The following SLC29A2 variants were observed in gnomAD, a reference collection of about 807,000 sequenced individuals.
The protein encoded by SLC29A2 is solute carrier family 29 member 2.
Under a neutral mutation model 48.8 loss-of-function variants are expected in SLC29A2, and 37 were observed. That is an observed-to-expected ratio of 0.76 (90% CI 0.58 to 1.00). SLC29A2 has a LOEUF of 1.00. SLC29A2 is among the 50% of genes least tolerant of loss of function. The pLI is 0.00. For synonymous variants in SLC29A2, 233 were observed against 261.7 expected, an observed-to-expected ratio of 0.89 and a Z score of 1.06; for missense variants, 533 against 578.6, an observed-to-expected ratio of 0.92 and a Z score of 0.81.
chr11:66,365,328 C>T (rs1855620735), intron 10 of SLC29A2, among the ~76,000 whole-genome samples: 2 of 152,226 alleles, frequency 1.3e-5, no homozygotes, highest in Non-Finnish European at 1.5e-5. Flanking sequence ...GAGGACCCAG[C>T]ACTGGGGCCT....
At chr11:66,366,101 C>T (rs1312639104) in intron 9 of SLC29A2, 25 bp downstream of exon 9, 2 of 1,606,486 alleles carry the variant, frequency 1.2e-6, no homozygotes, top group Admixed American at 1.7e-5. Context: ...CCCTGCCCTG[C>T]CGTCTTCTCC....
chr11:66,369,318 T>C (rs2135011701), intron 3 of SLC29A2, 51 bp downstream of exon 3: 1 of 1,611,274 alleles, frequency 6.2e-7, no homozygotes, highest in Non-Finnish European at 8.5e-7. Flanking sequence ...GGGGAGGGCC[T>C]CAATGAAGCT....
Position 66,363,367 on chromosome 11 carries a change from C to T in SLC29A2, c.*69G>A, listed in dbSNP as rs749265652. Reference sequence around the variant, plus strand: ...GGCCTGAGCCAAGCTCGCCATTCGCCCTGGGCTGGATCTCAGCTCCGGAAG... The same window carrying T: ...GGCCTGAGCCAAGCTCGCCATTCGCTCTGGGCTGGATCTCAGCTCCGGAAG... On this transcript the variant is annotated 3_prime_UTR_variant, in exon 12 of 12. Transcript: ENST00000357440. 3 of 1,303,762 alleles carry T rather than the reference C, an allele frequency of 2.3e-6. No individual in the cohort carries two copies. Among genetic ancestry groups the T allele is most frequent in the Non-Finnish European group, 3.3e-6 (3 of 906,358 alleles). 80.8% of individuals were successfully genotyped at this position (1,303,762 alleles called of 1,614,324 possible).
intron 1 of SLC29A2, 71 bp downstream of exon 1, chr11:66,371,492 G>A: frequency 1.3e-6 from 2 of 1,524,518 alleles, no homozygotes; most frequent in South Asian, 1.2e-5. Flanking sequence ...TCTTCTCTGA[G>A]CCTCGGAGCG....
rs182128727 is a variant in SLC29A2, at chr11:66,368,612, A to C, written c.475T>G (p.Tyr159Asp). 7.8e-5 allele frequency: 125 copies of C among 1,607,706 alleles called. No homozygotes were observed. In the East Asian group the frequency reaches 2.6e-3, roughly 34 times the overall value. Residue 159 changes from tyrosine to aspartate, a missense_variant, in exon 5 of 12, where the codon TAC becomes GAC. Tyr to Asp is a radical substitution (Grantham distance 160). Transcript: ENST00000357440. ...TGGCCGCTGAGGAAGAGGGTGCTGTAGGTGGAGGGCATGGTGCCCAGCTGC... is the reference window on the plus strand; with the variant it reads ...TGGCCGCTGAGGAAGAGGGTGCTGTCGGTGGAGGGCATGGTGCCCAGCTGC... ...FGQLGTMPSTYSTLFLSGQGL... is the reference protein window; with the variant it reads ...FGQLGTMPSTDSTLFLSGQGL...
At chr11:66,371,455 G>C in intron 1 of SLC29A2, 108 bp downstream of exon 1, 1 of 1,501,342 alleles carries the variant, frequency 6.7e-7, no homozygotes, top group Non-Finnish European at 9.1e-7. Context: ...GAGGGAGTCG[G>C]CTGATGGGAA....
chr11:66,366,527 A>G lies in SLC29A2; in HGVS notation c.771T>C (p.Ala257=), dbSNP rs1675614272. Residue 257 remains alanine, a synonymous_variant, in exon 8 of 12, where the codon GCT becomes GCC. Transcript: ENST00000357440. ...TCTCCAGGTCAAGATCCAGGGTCAG[A>G]GCTACTTTCTGGGGACTACTGGGAA... The part of the protein sequence containing the change: ...NGIPSSPQKV[A]LTLDLDLEKE... 1.2e-6 allele frequency: 2 copies of G among 1,613,824 alleles called. No homozygotes were observed. Among genetic ancestry groups the G allele is most frequent in the South Asian group, 2.2e-5 (2 of 91,080 alleles).
chr11:66,369,462 G>T lies in SLC29A2; in HGVS notation c.182C>A (p.Pro61His), dbSNP rs1855907973. 1 of 1,614,082 alleles carries T rather than the reference G, an allele frequency of 6.2e-7. No homozygotes were observed. The highest frequency in any genetic ancestry group is 8.5e-7 in the Non-Finnish European group (1 of 1,180,002). Residue 61 changes from proline (P) to histidine (H), a missense_variant, in exon 3 of 12, where the codon CCC becomes CAC. Coordinates refer to ENST00000357440, the MANE Select transcript of SLC29A2 (RefSeq NM_001532.3). Reference sequence around the variant, plus strand: ...ATTGTTGAAGTTGAAGGCATCCTCGGGACCCGTGTGGTTGGTGCTCAGGAT... The same window carrying T: ...ATTGTTGAAGTTGAAGGCATCCTCGTGACCCGTGTGGTTGGTGCTCAGGAT... Reference protein sequence around the residue: ...ARILSTNHTGPEDAFNFNNWV... With the variant: ...ARILSTNHTGHEDAFNFNNWV...
intron 11 of SLC29A2, 24 bp downstream of exon 11, chr11:66,364,201 C>T: frequency 6.5e-7 from 1 of 1,544,252 alleles, no homozygotes; most frequent in Admixed American, 1.9e-5. Context: ...TCCCAGCCCC[C>T]CACCCCACCC....
Position 66,366,202 on chromosome 11 carries a change from C to T in SLC29A2, c.897G>A (p.Leu299=). 1 of 1,614,142 alleles carries T rather than the reference C, an allele frequency of 6.2e-7. No homozygotes were observed. The highest frequency in any genetic ancestry group is 8.5e-7 in the Non-Finnish European group (1 of 1,180,016). Residue 299 remains leucine (L), a synonymous_variant, in exon 9 of 12, where the codon TTG becomes TTA. Coordinates refer to ENST00000357440, the MANE Select transcript of SLC29A2 (RefSeq NM_001532.3). The part of the protein sequence containing the change: ...KIWLTALCLV[L]VFTVTLSVFP... ...AGACGGACAGGGTGACTGTGAAGAC[C>T]AACACAAGGCACAGCGCTGTCAGCC...
At position 66,366,205 on chromosome 11, in the gene SLC29A2, C is replaced by A; in HGVS notation, c.894G>T (p.Val298=). 1.2e-6 allele frequency: 2 copies of A among 1,614,200 alleles called. No individual in the cohort carries two copies. Among genetic ancestry groups the A allele is most frequent in the Non-Finnish European group, 1.7e-6 (2 of 1,180,032 alleles). The change falls in exon 9 of 12, where the codon GTG becomes GTT. Residue 298 remains valine, a synonymous_variant. Transcript: ENST00000357440. ...QKIWLTALCL[V]LVFTVTLSVF... The stretch of plus-strand genomic sequence containing the variant: ...CGGACAGGGTGACTGTGAAGACCAA[C>A]ACAAGGCACAGCGCTGTCAGCCAGA...
At position 66,366,242 on chromosome 11, in the gene SLC29A2, G is replaced by A; in HGVS notation, c.868-11C>T. ...CGCTGTCAGCCAGATCTGGGAGCCA[G>A]AGGCAGGGGTGTGAGCAGGCAGGGC... On this transcript the variant is annotated splice_polypyrimidine_tract_variant and intron_variant, in intron 8 of 11. Transcript: ENST00000357440. 1.2e-6 allele frequency: 2 copies of A among 1,612,968 alleles called. No individual in the cohort carries two copies. Among genetic ancestry groups the A allele is most frequent in the Non-Finnish European group, 1.7e-6 (2 of 1,179,006 alleles).
intron 11 of SLC29A2, among the ~76,000 whole-genome samples, chr11:66,363,963 C>T (rs1262929012): frequency 7.1e-6 from 1 of 141,284 alleles, no homozygotes; most frequent in Non-Finnish European, 1.6e-5. Context: ...TTTTTTTTTA[C>T]AGATGGGGAA....
chr11:66,367,723 C>G (rs905300975), intron 6 of SLC29A2, 49 bp downstream of exon 6: 8 of 1,566,812 alleles, frequency 5.1e-6, no homozygotes, highest in Middle Eastern at 1.7e-4. Context: ...GCTCAGGACT[C>G]TATCCAAGAT....
chr11:66,369,505 C>T lies in SLC29A2; in HGVS notation c.139G>A (p.Gly47Ser), dbSNP rs202174697. ...CTCAGGATCCTGGCTGTGCTGTTGC[C>T]GGCCCCGGCCAGTCGCGCCTGGAAG... ...PYFQARLAGA[G>S]NSTARILSTN... Residue 47 changes from glycine to serine, a missense_variant, in exon 3 of 12, where the codon GGC becomes AGC. By Grantham distance (56) the Gly-to-Ser change is moderately conservative. Transcript: ENST00000357440. The T allele has an allele frequency of 5.7e-5, 92 of 1,613,768 alleles. No individual in the cohort carries two copies. The highest frequency in any genetic ancestry group is 9.3e-5 in the African/African-American group (7 of 74,890).
chr11:66,371,744 G>T lies in SLC29A2; in HGVS notation c.-153C>A. Reference sequence around the variant, plus strand: ...TGGAGTCGCACAGGTAGCCTCGGGCGGATTTCGGCGTGTCTCGCGCTCCGC... The same window carrying T: ...TGGAGTCGCACAGGTAGCCTCGGGCTGATTTCGGCGTGTCTCGCGCTCCGC... On this transcript the variant is annotated 5_prime_UTR_variant, in exon 1 of 12. Transcript: ENST00000357440. 1 of 707,584 alleles carries T rather than the reference G, an allele frequency of 1.4e-6. No homozygotes were observed. The highest frequency in any genetic ancestry group is 2.3e-6 in the Non-Finnish European group (1 of 436,200). The allele number at this position is 707,584 out of a possible 1,614,324, so 43.8% of individuals were successfully genotyped here. A position where few individuals can be genotyped will look rare whatever the true frequency, so the allele number is the denominator to read the frequency against.
rs1295862906 is a variant in SLC29A2, at chr11:66,363,210, G to A, written c.*226C>T. The A allele has an allele frequency of 1.7e-6, 1 of 573,224 alleles. No individual in the cohort carries two copies. The highest frequency in any genetic ancestry group is 3.2e-6 in the Non-Finnish European group (1 of 315,064). 35.5% of individuals were successfully genotyped at this position (573,224 alleles called of 1,614,324 possible). A position where few individuals can be genotyped will look rare whatever the true frequency, so the allele number is the denominator to read the frequency against. On this transcript the variant is annotated 3_prime_UTR_variant, in exon 12 of 12. Transcript: ENST00000357440. ...TCACCCTTTCCATGAGGTCTTGTGC[G>A]AGTCACCCCCATTCCTGGGTGAGGG...
chr11:66,364,624 C>A (rs1173078987), intron 10 of SLC29A2, 200 bp from the exon 11 acceptor site: 11 of 554,646 alleles, frequency 2.0e-5, no homozygotes, highest in Admixed American at 3.1e-5. Flanking sequence ...CCTGCTTCAG[C>A]CTCCTGAGTA....
In SLC29A2 at chr11:66,369,515, C is replaced by T; in HGVS notation, c.129G>A (p.Leu43=). ...TGGCTGTGCTGTTGCCGGCCCCGGC[C>T]AGTCGCGCCTGGAAGTACTGCCAGG... ...ITAIPYFQAR[L]AGAGNSTARI... Residue 43 remains leucine (L), a synonymous_variant, in exon 3 of 12, where the codon CTG becomes CTA. Coordinates refer to ENST00000357440, the MANE Select transcript of SLC29A2 (RefSeq NM_001532.3). The T allele has an allele frequency of 6.2e-7, 1 of 1,613,866 alleles. No homozygotes were observed. The highest frequency in any genetic ancestry group is 1.3e-5 in the African/African-American group (1 of 75,022).
Sources: gnomAD v4.1 joint callset for allele counts (sites outside exome capture counted in the v4.1 genomes callset) on GRCh38, gnomAD v4.1.1 for gene constraint, MANE v1.5 for transcripts, NCBI Gene and HGNC (gene_info 2026-07-23, HGNC 2026-07-21) for gene names.